The following HFM1 variants were observed in gnomAD, a reference collection of about 807,000 sequenced individuals.
HFM1 encodes the protein helicase for meiosis 1, also known as probable ATP-dependent DNA helicase HFM1.
Under a neutral mutation model 192.1 loss-of-function variants are expected in HFM1, and 169 were observed. The ratio of observed to expected loss-of-function variants is 0.88; its 90% CI spans 0.78 to 1.00. The LOEUF (loss-of-function observed/expected upper bound fraction) is 1.00. Ranked by LOEUF, HFM1 falls within the 50% of genes least tolerant of loss-of-function variation. The probability of loss-of-function intolerance (pLI) is 0.00; values close to 1 mark genes in which losing one functional copy is unlikely to be tolerated. For synonymous variants in HFM1, 525 were observed against 537.8 expected (o/e 0.98, Z 0.33); for missense variants, 1,661 against 1,668.0 (o/e 1.00, Z 0.07).
At chr1:91,285,861 A>C (rs1361326686) in intron 30 of HFM1, among the ~76,000 whole-genome samples, 2 of 152,206 alleles carry the variant, frequency 1.3e-5, no homozygotes, top group African/African-American at 4.8e-5. Flanking sequence ...CTGGATGTGA[A>C]TCATTCCTTT....
At chr1:91,400,847 C>T (rs1336802540) in intron 2 of HFM1, among the ~76,000 whole-genome samples, 165 bp downstream of exon 2, 1 of 152,184 alleles carries the variant, frequency 6.6e-6, no homozygotes, top group Non-Finnish European at 1.5e-5. Context: ...CTCCCCTATA[C>T]TACTGGTAAG....
intron 38 of HFM1, chr1:91,261,861 G>C (rs1414318165): frequency 6.4e-6 from 1 of 156,428 alleles, no homozygotes; most frequent in Non-Finnish European, 1.4e-5. Context: ...TTCATTGAAC[G>C]TGTTGATTGT....
At chr1:91,406,307 G>T (rs1664809984), upstream of HFM1, among the ~76,000 whole-genome samples, 1 of 152,304 alleles carries the variant, frequency 6.6e-6, no homozygotes, top group Non-Finnish European at 1.5e-5. Flanking sequence ...CTAAGATAGG[G>T]TTTGAGTGAT....
At chr1:91,340,555 A>G (rs752589605) in intron 20 of HFM1, among the ~76,000 whole-genome samples, 1 of 152,176 alleles carries the variant, frequency 6.6e-6, no homozygotes, top group East Asian at 1.9e-4. Flanking sequence ...ATAACATAAC[A>G]TAACAAGTCT....
chr1:91,323,282 A>G, intron 21 of HFM1, 83 bp from the exon 22 acceptor site: 1 of 783,404 alleles, frequency 1.3e-6, no homozygotes. Flanking sequence ...TTTATTTTTC[A>G]TACTGCCTTA....
chr1:91,364,697 A>G (rs1171850101), intron 13 of HFM1, among the ~76,000 whole-genome samples: 1 of 138,584 alleles, frequency 7.2e-6, no homozygotes, highest in Non-Finnish European at 1.5e-5. Context: ...CAGTGGCACG[A>G]TCTCAGCTTA....
intron 30 of HFM1, among the ~76,000 whole-genome samples, chr1:91,290,402 T>G (rs1668605078): frequency 1.3e-5 from 2 of 152,174 alleles, no homozygotes; most frequent in African/African-American, 2.4e-5. Context: ...GTTGCAATCC[T>G]AGTCTCTGAT....
chr1:91,381,320 C>T (rs1661530301), intron 6 of HFM1, among the ~76,000 whole-genome samples: 1 of 152,146 alleles, frequency 6.6e-6, no homozygotes, highest in Admixed American at 6.5e-5. Flanking sequence ...AGTGCTTTTT[C>T]TTATTTACCT....
At chr1:91,296,909 G>A (rs371357908) in intron 30 of HFM1, among the ~76,000 whole-genome samples, 6 of 152,294 alleles carry the variant, frequency 3.9e-5, no homozygotes, top group South Asian at 4.1e-4. Context: ...CTGAGGTACC[G>A]GGTTCATCTC....
chr1:91,287,300 G>A (rs1260435364), intron 30 of HFM1, among the ~76,000 whole-genome samples: 9 of 152,320 alleles, frequency 5.9e-5, no homozygotes, highest in South Asian at 2.1e-4. Flanking sequence ...CTCCCAGCAT[G>A]CAGCTGGAGA....
intron 30 of HFM1, among the ~76,000 whole-genome samples, chr1:91,294,885 C>T (rs1033398209): frequency 6.6e-6 from 1 of 152,168 alleles, no homozygotes; most frequent in Non-Finnish European, 1.5e-5. Flanking sequence ...TGCTCTATCA[C>T]ATAATATGCA....
intron 20 of HFM1, chr1:91,329,290 A>G (rs1653444557): frequency 6.2e-7 from 1 of 1,608,894 alleles, no homozygotes. Flanking sequence ...AATGAAGAAG[A>G]GCTGGTCAAG....
intron 20 of HFM1, among the ~76,000 whole-genome samples, chr1:91,325,969 G>A (rs1257086623): frequency 3.3e-5 from 5 of 151,972 alleles, no homozygotes; most frequent in Admixed American, 6.6e-5. Flanking sequence ...ATGACATGCC[G>A]AACAATGCAT....
At chr1:91,317,872 T>C (rs773400411) in intron 25 of HFM1, among the ~76,000 whole-genome samples, 33 of 152,176 alleles carry the variant, frequency 2.2e-4, no homozygotes, top group Non-Finnish European at 3.7e-4. Flanking sequence ...CTCTCACTTT[T>C]ATATGATTTT....
chr1:91,329,144 C>T lies in HFM1; in HGVS notation c.2336-4378G>A, dbSNP rs879717160. On this transcript the variant is annotated intron_variant, in intron 20 of 38. Coordinates refer to ENST00000370425, the MANE Select transcript of HFM1 (RefSeq NM_001017975.6). Reference sequence around the variant, plus strand: ...ATCTAATCCAGAAGCACAAGAGCATCGAGGAGATCGTGCAGCGACTTGACC... The same window carrying T: ...ATCTAATCCAGAAGCACAAGAGCATTGAGGAGATCGTGCAGCGACTTGACC... 2.4e-4 allele frequency: 379 copies of T among 1,609,378 alleles called. 1 individual carries two copies. In the East Asian group the frequency reaches 2.9e-3, roughly 12 times the overall value.
chr1:91,286,942 G>A lies in HFM1; in HGVS notation c.3392-9880C>T, dbSNP rs529008112. On this transcript the variant is annotated intron_variant, in intron 30 of 38. Transcript: ENST00000370425. ...TGGGTCACTCCCACCCGAATACTGC[G>A]CTTTTCCGACGGGCTTAAAAAACGG... is the stretch of plus-strand genomic sequence containing the variant. Among the ~76,000 whole-genome samples, 333 of 152,318 alleles carry A rather than the reference G, an allele frequency of 2.2e-3. 1 individual carries two copies. Among genetic ancestry groups the A allele is most frequent in the African/African-American group, 7.4e-3 (308 of 41,580 alleles).
intron 13 of HFM1, among the ~76,000 whole-genome samples, chr1:91,371,885 T>G (rs1660259905): frequency 6.6e-6 from 1 of 151,722 alleles, no homozygotes; most frequent in Admixed American, 6.6e-5. Flanking sequence ...TCAAACAAAT[T>G]TACAAGAAAA....
At chr1:91,359,569 GGAA>G in intron 13 of HFM1, among the ~76,000 whole-genome samples, 1 of 132,596 alleles carries the variant, frequency 7.5e-6, no homozygotes, top group East Asian at 2.2e-4. Flanking sequence ...AAAAAAAAAA[GGAA>G]GAAGAAGAAT....
intron 37 of HFM1, 31 bp from the exon 38 acceptor site, chr1:91,262,423 G>T: frequency 6.3e-7 from 1 of 1,576,552 alleles, no homozygotes; most frequent in Non-Finnish European, 8.6e-7. Flanking sequence ...AACAATCATT[G>T]AAAGTTTAAG....
Sources: gnomAD v4.1 joint callset for allele counts (sites outside exome capture counted in the v4.1 genomes callset) on GRCh38, gnomAD v4.1.1 for gene constraint, MANE v1.5 for transcripts, NCBI Gene and HGNC (gene_info 2026-07-23, HGNC 2026-07-21) for gene names.